ARK2C: variants seen among roughly 807,000 people sequenced by gnomAD.
ARK2C encodes the protein E3 ubiquitin-protein ligase ARK2C.
At chr18:46,432,829 C>T in the ARK2C span, among the ~76,000 whole-genome samples, 1 of 152,158 alleles carries the variant, frequency 6.6e-6, no homozygotes, top group South Asian at 2.1e-4. Flanking sequence ...CCTGTAGTCC[C>T]AGCTACTCGG....
At chr18:46,358,700 A>G in the ARK2C span, among the ~76,000 whole-genome samples, 3 of 150,768 alleles carry the variant, frequency 2.0e-5, no homozygotes, top group African/African-American at 7.3e-5. Flanking sequence ...CAGGTTCCAG[A>G]CCCCCAGGAA....
the ARK2C span, among the ~76,000 whole-genome samples, chr18:46,362,328 G>T: frequency 2.0e-5 from 3 of 152,348 alleles, no homozygotes; most frequent in East Asian, 5.8e-4. Context: ...TACTGTCTCA[G>T]GGCCTGCTAG....
chr18:46,437,970 CCT>C, the ARK2C span, among the ~76,000 whole-genome samples: 2 of 152,220 alleles, frequency 1.3e-5, no homozygotes, highest in Non-Finnish European at 2.9e-5. Flanking sequence ...CCCAAAGCTC[CCT>C]GAGCCTGGAG....
the ARK2C span, among the ~76,000 whole-genome samples, chr18:46,369,446 T>C: frequency 6.6e-6 from 1 of 151,460 alleles, no homozygotes; most frequent in Non-Finnish European, 1.5e-5. Flanking sequence ...GAAGAAGAGG[T>C]GAGACAGGCC....
chr18:46,433,632 G>T, the ARK2C span: 1 of 802,852 alleles, frequency 1.2e-6, no homozygotes, highest in Non-Finnish European at 1.9e-6. Context: ...GGGGCTACAG[G>T]CTCCTAGACT....
the ARK2C span, chr18:46,456,719 T>C: frequency 2.1e-6 from 2 of 953,310 alleles, no homozygotes; most frequent in Admixed American, 1.7e-5. Flanking sequence ...CTTTGCCTTC[T>C]GAGCCATTTG....
the ARK2C span, chr18:46,433,300 G>A: frequency 6.2e-7 from 1 of 1,611,446 alleles, no homozygotes; most frequent in Non-Finnish European, 8.5e-7. Context: ...GGCCCACCCC[G>A]TGCAGTCGCA....
chr18:46,375,983 G>C, the ARK2C span, among the ~76,000 whole-genome samples: 99 of 152,320 alleles, frequency 6.5e-4, no homozygotes, highest in South Asian at 0.012. Context: ...TGTCTACGAA[G>C]TGGATGATAA....
the ARK2C span, chr18:46,334,774 T>A: frequency 3.4e-6 from 1 of 291,368 alleles, no homozygotes; most frequent in African/African-American, 2.3e-5. This position sits in a 1 kb window ranked among gnomAD's most constrained non-coding sequence, Gnocchi z 4.4. Context: ...TTTGCTTTTT[T>A]TGAGGTATAT....
the ARK2C span, among the ~76,000 whole-genome samples, chr18:46,400,079 C>T: frequency 6.6e-5 from 10 of 152,322 alleles, no homozygotes; most frequent in African/African-American, 2.2e-4. Flanking sequence ...GGGACCCCCA[C>T]GGTACCTCTT....
chr18:46,358,941 C>T, the ARK2C span, among the ~76,000 whole-genome samples: 1 of 152,204 alleles, frequency 6.6e-6, no homozygotes, highest in Non-Finnish European at 1.5e-5. Context: ...CTTGTCCCCA[C>T]AGAGCCCCAG....
chr18:46,427,999 T>C, the ARK2C span, among the ~76,000 whole-genome samples: 1 of 152,162 alleles, frequency 6.6e-6, no homozygotes, highest in Non-Finnish European at 1.5e-5. Context: ...ATGAGAGAAG[T>C]GGACCTCCTA....
At chr18:46,350,712 C>A in the ARK2C span, among the ~76,000 whole-genome samples, 1 of 152,164 alleles carries the variant, frequency 6.6e-6, no homozygotes, top group East Asian at 1.9e-4. Flanking sequence ...TAGTGCTCAG[C>A]TGTCACACTG....
chr18:46,353,516 G>A, the ARK2C span, among the ~76,000 whole-genome samples: 1 of 152,192 alleles, frequency 6.6e-6, no homozygotes, highest in Admixed American at 6.5e-5. Context: ...CTCAATGAAT[G>A]CTAGTTTGCT....
chr18:46,456,492 C>A, the ARK2C span: 1 of 1,531,690 alleles, frequency 6.5e-7, no homozygotes, highest in Non-Finnish European at 9.0e-7. Context: ...TCTTGCCGGG[C>A]CTCTGACTCT....
the ARK2C span, among the ~76,000 whole-genome samples, chr18:46,380,503 A>G: frequency 6.6e-6 from 1 of 152,220 alleles, no homozygotes; most frequent in Non-Finnish European, 1.5e-5. Flanking sequence ...TGTGCCAGGC[A>G]TCGTTCTCAG....
the ARK2C span, among the ~76,000 whole-genome samples, chr18:46,409,467 A>C: frequency 6.6e-6 from 1 of 152,234 alleles, no homozygotes; most frequent in East Asian, 1.9e-4. Context: ...AATGAAGTGA[A>C]GAAATGACAC....
chr18:46,456,426 G>A, the ARK2C span: 1 of 885,578 alleles, frequency 1.1e-6, no homozygotes, highest in Non-Finnish European at 1.8e-6. Flanking sequence ...TCCATAGCCG[G>A]GCAGTTCCCC....
At chr18:46,412,155 GTTT>G in the ARK2C span, among the ~76,000 whole-genome samples, 4 of 152,210 alleles carry the variant, frequency 2.6e-5, no homozygotes, top group African/African-American at 9.6e-5. Flanking sequence ...TCCCCTCAAG[GTTT>G]AAGTCCTTCC....
Sources: gnomAD v4.1 joint callset for allele counts (sites outside exome capture counted in the v4.1 genomes callset) on GRCh38, gnomAD v4.1.1 for gene constraint, Gnocchi (gnomAD v3.1) non-coding constraint, MANE v1.5 for transcripts, NCBI Gene and HGNC (gene_info 2026-07-23, HGNC 2026-07-21) for gene names.